The following DNAJC13 variants were observed in gnomAD, a reference collection of about 807,000 sequenced individuals.
DNAJC13 encodes the protein dnaJ homolog subfamily C member 13.
In DNAJC13, 75 loss-of-function variants were observed where a neutral mutation model predicts 290.5. The ratio of observed to expected loss-of-function variants is 0.26; its 90% CI spans 0.21 to 0.31. The LOEUF is 0.31. Among genes scored for constraint, DNAJC13 ranks in the 10% least tolerant of loss-of-function variants. The pLI, the probability that DNAJC13 is intolerant of heterozygous loss-of-function variation, is 1.00. For synonymous variants in DNAJC13, 862 were observed against 892.0 expected, an observed-to-expected ratio of 0.97 and a Z score of 0.60; for missense variants, 2,260 against 2,674.5, an observed-to-expected ratio of 0.85 and a Z score of 3.42.
intron 2 of DNAJC13, among the ~76,000 whole-genome samples, chr3:132,436,807 T>C (rs1055305273): frequency 1.3e-5 from 2 of 152,184 alleles, no homozygotes; most frequent in Non-Finnish European, 2.9e-5. Flanking sequence ...TTGTAGGTCA[T>C]TTGTGTATCT....
At chr3:132,535,066 C>G (rs1936548112) in intron 55 of DNAJC13, among the ~76,000 whole-genome samples, 1 of 152,186 alleles carries the variant, frequency 6.6e-6, no homozygotes, top group Non-Finnish European at 1.5e-5. Flanking sequence ...TCATTGAAAT[C>G]AAGGTTGCTG....
chr3:132,516,822 CACAAAAT>C lies in DNAJC13; in HGVS notation c.5673+8_5673+14del. The C allele has an allele frequency of 6.3e-7, 1 of 1,598,484 alleles. No homozygotes were observed. ...ATAAACTGATAGGTCCAAAGGTAGG[CACAAAAT>C]AAGTTCTTGAAAGGAAATTAATTAT... On this transcript the variant is annotated splice_region_variant and intron_variant, in intron 48 of 55. Coordinates refer to ENST00000260818, the MANE Select transcript of DNAJC13 (RefSeq NM_015268.4).
intron 13 of DNAJC13, among the ~76,000 whole-genome samples, chr3:132,458,588 T>C (rs896391984): frequency 7.9e-5 from 12 of 152,146 alleles, no homozygotes; most frequent in African/African-American, 2.9e-4. Context: ...TGCCCCTGTC[T>C]GCAAGGGTTT....
At chr3:132,508,215 A>G (rs1230274467) in intron 43 of DNAJC13, among the ~76,000 whole-genome samples, 1 of 152,194 alleles carries the variant, frequency 6.6e-6, no homozygotes, top group Non-Finnish European at 1.5e-5. Flanking sequence ...GTTTGAAGCT[A>G]GGGGGGATTG....
In DNAJC13 at chr3:132,538,331, A is replaced by G. The variant is rs202086484; in HGVS notation, c.*49A>G. ...GCTGAAAGGCCAGTGCCAAGTCCAC[A>G]TTCCTCCAGCTGATACGTTGAAGCA... is the stretch of plus-strand genomic sequence containing the variant. On this transcript the variant is annotated 3_prime_UTR_variant, in exon 56 of 56. Coordinates refer to ENST00000260818, the MANE Select transcript of DNAJC13 (RefSeq NM_015268.4). 1,710 of 1,476,418 alleles carry G rather than the reference A, an allele frequency of 1.2e-3. 5 individuals carry two copies. Among genetic ancestry groups the G allele is most frequent in the Non-Finnish European group, 1.2e-3 (1,276 of 1,062,940 alleles). The allele number at this position is 1,476,418 out of a possible 1,614,324, so 91.5% of individuals were successfully genotyped here.
At chr3:132,479,785 A>ATATAACAT (rs1403309453) in intron 25 of DNAJC13, among the ~76,000 whole-genome samples, 8 of 152,166 alleles carry the variant, frequency 5.3e-5, no homozygotes, top group Non-Finnish European at 1.2e-4. Flanking sequence ...CAGTTGTAAT[A>ATATAACAT]TATAACATTA....
intron 1 of DNAJC13, among the ~76,000 whole-genome samples, chr3:132,419,359 TAAC>T (rs1157248229): frequency 6.6e-6 from 1 of 151,604 alleles, no homozygotes; most frequent in Non-Finnish European, 1.5e-5. Flanking sequence ...TATATATTGT[TAAC>T]AAGCTTAGTT....
chr3:132,463,785 A>G lies in DNAJC13; in HGVS notation c.1860A>G (p.Thr620=), dbSNP rs375246759. The G allele has an allele frequency of 1.2e-6, 2 of 1,613,262 alleles. No homozygotes were observed. The highest frequency in any genetic ancestry group is 2.7e-5 in the African/African-American group (2 of 74,924). The stretch of plus-strand genomic sequence containing the variant: ...GACACTTGCATACTGCGATGTTTAC[A>G]ATAAGCTCAGATCAAAGGATGCTTA... ...LPRHLHTAMF[T]ISSDQRMLTN... Residue 620 remains threonine, a synonymous_variant, in exon 17 of 56, where the codon ACA becomes ACG. Transcript: ENST00000260818.
At chr3:132,430,018 T>C (rs1939200719) in intron 1 of DNAJC13, among the ~76,000 whole-genome samples, 2 of 152,164 alleles carry the variant, frequency 1.3e-5, no homozygotes, top group African/African-American at 4.8e-5. Flanking sequence ...ACTACTTTCC[T>C]CCTACACTAG....
chr3:132,533,078 C>T (rs1270613585), intron 55 of DNAJC13, among the ~76,000 whole-genome samples: 4 of 92,698 alleles, frequency 4.3e-5, no homozygotes, highest in Non-Finnish European at 7.9e-5. Flanking sequence ...TTTTTTGCGA[C>T]GGAGTCTGGC....
At chr3:132,533,880 T>C (rs1936507595) in intron 55 of DNAJC13, among the ~76,000 whole-genome samples, 1 of 152,206 alleles carries the variant, frequency 6.6e-6, no homozygotes, top group Admixed American at 6.5e-5. Flanking sequence ...TTCAGAAACC[T>C]GGACTTCATT....
At position 132,448,070 on chromosome 3, in the gene DNAJC13, C is replaced by G. The variant is rs560761477; in HGVS notation, c.336+131C>G. 6.2e-5 allele frequency: 37 copies of G among 597,858 alleles called. No homozygotes were observed. In the South Asian group the frequency reaches 8.4e-4, roughly 14 times the overall value. The allele number at this position is 597,858 out of a possible 1,614,324, so 37.0% of individuals were successfully genotyped here. A position where few individuals can be genotyped will look rare whatever the true frequency, so the allele number is the denominator to read the frequency against. On this transcript the variant is annotated intron_variant, in intron 5 of 55. Coordinates refer to ENST00000260818, the MANE Select transcript of DNAJC13 (RefSeq NM_015268.4). ...GAAAAGAAACAAAATTGTAATGTCT[C>G]CTGATATCATGTTATGTAGTTTAAC... is the stretch of plus-strand genomic sequence containing the variant.
At chr3:132,438,776 G>A (rs1932950111) in intron 2 of DNAJC13, among the ~76,000 whole-genome samples, 1 of 152,174 alleles carries the variant, frequency 6.6e-6, no homozygotes. Context: ...TTGATCATCG[G>A]TATGGATGCC....
intron 31 of DNAJC13, among the ~76,000 whole-genome samples, chr3:132,490,083 T>C (rs1935015245): frequency 6.6e-6 from 1 of 152,218 alleles, no homozygotes; most frequent in South Asian, 2.1e-4. Context: ...CTAGCAATTC[T>C]TTACCCAAAA....
intron 2 of DNAJC13, among the ~76,000 whole-genome samples, chr3:132,443,930 T>C (rs1162040466): frequency 6.6e-6 from 1 of 152,220 alleles, no homozygotes; most frequent in Non-Finnish European, 1.5e-5. Flanking sequence ...CATGTGGCTA[T>C]TTATTTAACT....
intron 41 of DNAJC13, among the ~76,000 whole-genome samples, chr3:132,503,913 T>G (rs776337208): frequency 3.3e-5 from 5 of 151,992 alleles, no homozygotes; most frequent in African/African-American, 4.8e-5. Context: ...AATCTGAGAA[T>G]GTAGCACTAA....
intron 1 of DNAJC13, among the ~76,000 whole-genome samples, chr3:132,431,750 A>G (rs1056579428): frequency 2.0e-5 from 3 of 152,216 alleles, no homozygotes; most frequent in African/African-American, 2.4e-5. Context: ...GTGTCCATCA[A>G]TTGACGAATG....
At chr3:132,441,314 G>T (rs1933061689) in intron 2 of DNAJC13, among the ~76,000 whole-genome samples, 1 of 152,192 alleles carries the variant, frequency 6.6e-6, no homozygotes, top group South Asian at 2.1e-4. Flanking sequence ...ACAATACCGG[G>T]ACATGAATAG....
intron 5 of DNAJC13, among the ~76,000 whole-genome samples, chr3:132,450,330 T>C (rs1933381668): frequency 1.3e-5 from 2 of 152,174 alleles, no homozygotes; most frequent in South Asian, 4.1e-4. Flanking sequence ...TCTTTCAGAA[T>C]ACATTTCTAT....
Sources: gnomAD v4.1 joint callset for allele counts (sites outside exome capture counted in the v4.1 genomes callset) on GRCh38, gnomAD v4.1.1 for gene constraint, MANE v1.5 for transcripts, NCBI Gene and HGNC (gene_info 2026-07-23, HGNC 2026-07-21) for gene names.